TENM2: variants seen among roughly 807,000 people sequenced by gnomAD.
TENM2 encodes the protein teneurin transmembrane protein 2.
A neutral mutation model predicts 245.2 loss-of-function variants in TENM2; 52 were observed. That is an observed-to-expected ratio of 0.21 (90% confidence interval 0.17 to 0.27). TENM2 has a LOEUF of 0.27. Among genes scored for constraint, TENM2 ranks in the 10% least tolerant of loss-of-function variants. The pLI is 1.00. For synonymous variants in TENM2, 1,363 were observed against 1,438.9 expected, an observed-to-expected ratio of 0.95 and a Z score of 1.19; for missense variants, 3,046 against 3,666.8, an observed-to-expected ratio of 0.83 and a Z score of 4.37.
chr5:167,108,274 G>C, the TENM2 span, among the ~76,000 whole-genome samples: 16,690 of 152,036 alleles, frequency 0.11, 2,998 homozygotes, highest in African/African-American at 0.38. Flanking sequence ...TACAGGAACG[G>C]GCCACCACGT....
chr5:168,058,210 C>G (rs1290952158), intron 6 of TENM2, among the ~76,000 whole-genome samples: 2 of 152,198 alleles, frequency 1.3e-5, no homozygotes, highest in South Asian at 4.1e-4. Context: ...CAAAGTAAAT[C>G]TTTGTTAAGG....
At chr5:167,140,703 T>C in the TENM2 span, among the ~76,000 whole-genome samples, 1 of 152,156 alleles carries the variant, frequency 6.6e-6, no homozygotes, top group Non-Finnish European at 1.5e-5. Flanking sequence ...GAACTGTCTT[T>C]AGGGTATTAT....
At chr5:167,084,012 C>G in the TENM2 span, among the ~76,000 whole-genome samples, 13 of 152,014 alleles carry the variant, frequency 8.6e-5, no homozygotes, top group Non-Finnish European at 1.6e-4. Flanking sequence ...ATATAAATCA[C>G]GTACTGAAGG....
intron 5 of TENM2, among the ~76,000 whole-genome samples, chr5:168,041,872 T>C (rs2152011873): frequency 6.6e-6 from 1 of 152,340 alleles, no homozygotes; most frequent in Non-Finnish European, 1.5e-5. Flanking sequence ...ACCATCACCA[T>C]TGAGTAGACT....
At position 167,733,942 on chromosome 5, in the gene TENM2, T is replaced by C. The variant is rs372718935; in HGVS notation, c.503-142044T>C. On this transcript the variant is annotated intron_variant, in intron 2 of 28. Transcript: ENST00000518659. ...GTATGAGGACACTAAAGTTCAGAGA[T>C]AGAAACTTACCCAAGGTCACGTCTC... Among the ~76,000 whole-genome samples the C allele has an allele frequency of 7.9e-5, 12 of 152,308 alleles. No homozygotes were observed. In the East Asian group the frequency reaches 1.9e-3, roughly 24 times the overall value.
At chr5:167,454,222 G>A (rs1319800560) in intron 2 of TENM2, among the ~76,000 whole-genome samples, 1 of 152,100 alleles carries the variant, frequency 6.6e-6, no homozygotes, top group Admixed American at 6.5e-5. Context: ...TGGTGAGGGT[G>A]GGAACATTTT....
chr5:168,128,751 A>T (rs1344884523), intron 12 of TENM2: 3 of 152,224 alleles, frequency 2.0e-5, no homozygotes, highest in Non-Finnish European at 4.4e-5. Flanking sequence ...TAGTTTTTAC[A>T]TTTTCTAAGG....
chr5:168,218,661 G>T lies in TENM2; in HGVS notation c.4770G>T (p.Glu1590Asp). 1 of 1,614,034 alleles carries T rather than the reference G, an allele frequency of 6.2e-7. No individual in the cohort carries two copies. The change falls in exon 23 of 29, where the codon GAG (glutamate) becomes GAT (aspartate). Residue 1590 changes from glutamate to aspartate, a missense_variant. Glu to Asp is a conservative substitution (Grantham distance 45). This residue lies in a region of TENM2 where 2,704 missense variants were observed against 3,331.9 expected (regional missense o/e 0.81). Transcript: ENST00000518659. This position sits in a 1 kb window ranked among gnomAD's most constrained non-coding sequence, Gnocchi z 5.2. ...AGTATGAGGCTGCATCCCCCGGAGAGCAGGAGTTATATGTTTTCAACGCTG... is the reference window on the plus strand; with the variant it reads ...AGTATGAGGCTGCATCCCCCGGAGATCAGGAGTTATATGTTTTCAACGCTG...
At chr5:167,317,445 T>C (rs996496451) in intron 1 of TENM2, among the ~76,000 whole-genome samples, 1 of 152,120 alleles carries the variant, frequency 6.6e-6, no homozygotes, top group Non-Finnish European at 1.5e-5. Context: ...TCATCAACCC[T>C]ACAGTTAATC....
intron 2 of TENM2, among the ~76,000 whole-genome samples, chr5:167,701,025 C>A (rs279416): frequency 0.49 from 72,005 of 148,036 alleles, 20,610 homozygotes; most frequent in East Asian, 0.81. Context: ...AATTAATTTT[C>A]GTTTCAAAAG....
At chr5:168,022,809 T>G (rs368125290) in intron 5 of TENM2, among the ~76,000 whole-genome samples, 30 of 152,302 alleles carry the variant, frequency 2.0e-4, no homozygotes, top group Non-Finnish European at 4.1e-4. Context: ...CGTTCCTGAT[T>G]GTCCAAATGG....
At chr5:168,151,216 C>G (rs963012679) in intron 12 of TENM2, among the ~76,000 whole-genome samples, 3 of 152,186 alleles carry the variant, frequency 2.0e-5, no homozygotes, top group African/African-American at 7.2e-5. Flanking sequence ...GACAACTTGT[C>G]GCATGCATTA....
intron 3 of TENM2, among the ~76,000 whole-genome samples, chr5:167,886,856 G>A (rs1027432087): frequency 6.6e-6 from 1 of 152,156 alleles, no homozygotes; most frequent in Non-Finnish European, 1.5e-5. Flanking sequence ...ATTGATCAGG[G>A]CCGATGTGTT....
At chr5:167,101,938 A>ATAT in the TENM2 span, among the ~76,000 whole-genome samples, 19 of 111,124 alleles carry the variant, frequency 1.7e-4, 1 homozygote, top group South Asian at 4.3e-3. Flanking sequence ...ATATATATAT[A>ATAT]TTTTTTTTTT....
chr5:167,213,357 C>T, the TENM2 span, among the ~76,000 whole-genome samples: 1 of 152,154 alleles, frequency 6.6e-6, no homozygotes, highest in African/African-American at 2.4e-5. Flanking sequence ...CTGGTGGGGG[C>T]TGACATCTTG....
intron 2 of TENM2, among the ~76,000 whole-genome samples, chr5:167,429,422 A>G (rs886544822): frequency 6.6e-6 from 1 of 152,154 alleles, no homozygotes; most frequent in Non-Finnish European, 1.5e-5. Context: ...GGTGCTGCAG[A>G]CATCCGTGTA....
the TENM2 span, among the ~76,000 whole-genome samples, chr5:167,044,083 A>AGGAG: frequency 6.6e-6 from 1 of 151,578 alleles, no homozygotes; most frequent in Non-Finnish European, 1.5e-5. Flanking sequence ...GAAGGAAGGA[A>AGGAG]AGACTGTTCT....
chr5:168,242,841 T>G (rs1218052816), intron 25 of TENM2, among the ~76,000 whole-genome samples: 1 of 151,502 alleles, frequency 6.6e-6, no homozygotes, highest in Non-Finnish European at 1.5e-5. Context: ...TAATCCCAAC[T>G]ACTCAGGAGG....
intron 2 of TENM2, among the ~76,000 whole-genome samples, chr5:167,603,074 A>T (rs1437618846): frequency 6.6e-6 from 1 of 152,218 alleles, no homozygotes; most frequent in Non-Finnish European, 1.5e-5. Context: ...CCAGTTGACC[A>T]GTTGGCTGAC....
Sources: allele counts gnomAD v4.1 joint callset (sites outside exome capture counted in the v4.1 genomes callset), GRCh38; gene constraint gnomAD v4.1.1; regional missense constraint gnomAD v4.1.1; non-coding constraint Gnocchi (gnomAD v3.1); transcripts MANE v1.5; gene names NCBI Gene and HGNC (gene_info 2026-07-23, HGNC 2026-07-21).